Variants in CADPS2 observed in about 807,000 individuals in gnomAD.
The protein encoded by CADPS2 is calcium-dependent secretion activator 2.
Under a neutral mutation model 172.5 loss-of-function variants are expected in CADPS2, and 93 were observed. That is an observed-to-expected ratio of 0.54 (90% confidence interval 0.46 to 0.64). The LOEUF (loss-of-function observed/expected upper bound fraction) is 0.64, where lower values mean the gene tolerates loss of function less well. Ranked by LOEUF, CADPS2 falls within the 30% of genes least tolerant of loss-of-function variation. The pLI, the probability that CADPS2 is intolerant of heterozygous loss-of-function variation, is 0.00. For synonymous variants in CADPS2, 546 were observed against 555.2 expected (o/e 0.98, Z 0.23); for missense variants, 1,420 against 1,565.9 (o/e 0.91, Z 1.57).
At chr7:122,580,555 C>G (rs1317311723) in intron 7 of CADPS2, among the ~76,000 whole-genome samples, 1 of 151,918 alleles carries the variant, frequency 6.6e-6, no homozygotes, top group African/African-American at 2.4e-5. Flanking sequence ...TGAAGATGAC[C>G]TTTCACACAG....
intron 6 of CADPS2, among the ~76,000 whole-genome samples, chr7:122,590,117 T>C (rs1168756247): frequency 6.6e-6 from 1 of 151,732 alleles, no homozygotes; most frequent in Non-Finnish European, 1.5e-5. Context: ...CTAAAATTCA[T>C]AAGGAATCTC....
chr7:122,744,435 C>T (rs2092632532), intron 1 of CADPS2, among the ~76,000 whole-genome samples: 1 of 152,130 alleles, frequency 6.6e-6, no homozygotes, highest in Non-Finnish European at 1.5e-5. Flanking sequence ...TACCATGGTA[C>T]TATCGTGTGT....
At chr7:122,824,404 ATTTG>A (rs1804282684) in intron 1 of CADPS2, among the ~76,000 whole-genome samples, 1 of 152,208 alleles carries the variant, frequency 6.6e-6, no homozygotes, top group Non-Finnish European at 1.5e-5. Context: ...GTCTAAAAGT[ATTTG>A]TTTTCTTGAA....
chr7:122,885,666 T>C (rs1486246315), intron 1 of CADPS2, among the ~76,000 whole-genome samples: 1 of 152,050 alleles, frequency 6.6e-6, no homozygotes, highest in Non-Finnish European at 1.5e-5. Context: ...CTGTTGGAAA[T>C]TAAAGTTGAT....
intron 1 of CADPS2, among the ~76,000 whole-genome samples, chr7:122,774,130 T>C (rs982580706): frequency 1.3e-5 from 2 of 152,068 alleles, no homozygotes; most frequent in Admixed American, 1.3e-4. Context: ...ACATTTTCAA[T>C]TTCAATCACT....
At position 122,572,782 on chromosome 7, in the gene CADPS2, G is replaced by A. The variant is rs910331148; in HGVS notation, c.1335+8397C>T. The stretch of plus-strand genomic sequence containing the variant: ...CTATATACTTAGGGATGCTTGACTG[G>A]TCAGCTGTTTACCTGCTAGGACATA... On this transcript the variant is annotated intron_variant, in intron 7 of 29. Transcript: ENST00000449022. Among the ~76,000 whole-genome samples the A allele has an allele frequency of 5.3e-5, 8 of 152,178 alleles. No homozygotes were observed. In the East Asian group the frequency reaches 1.4e-3, roughly 26 times the overall value.
rs192287248 is a variant in CADPS2, at chr7:122,341,051, C to T, written c.3612+4523G>A. On this transcript the variant is annotated intron_variant, in intron 28 of 29. Transcript: ENST00000449022. ...TAAACTTAGCATGTGCCTCAGTGGT[C>T]ACGTGAGAGGCAGAGATATCCTCTG... Among the ~76,000 whole-genome samples the T allele has an allele frequency of 1.1e-4, 17 of 152,234 alleles. No homozygotes were observed. In the East Asian group the frequency reaches 3.3e-3, roughly 29 times the overall value.
At chr7:122,861,916 C>G (rs1817049679) in intron 1 of CADPS2, among the ~76,000 whole-genome samples, 1 of 152,184 alleles carries the variant, frequency 6.6e-6, no homozygotes. Flanking sequence ...CTTCAAAGTT[C>G]TGAGGGAGAA....
At chr7:122,741,251 C>G (rs574350430) in intron 1 of CADPS2, among the ~76,000 whole-genome samples, 215 of 152,220 alleles carry the variant, frequency 1.4e-3, no homozygotes, top group Non-Finnish European at 2.5e-3. Flanking sequence ...TAAGTCACCA[C>G]TCACATAGAA....
intron 6 of CADPS2, among the ~76,000 whole-genome samples, chr7:122,598,780 C>A (rs1337075058): frequency 6.6e-6 from 1 of 151,994 alleles, no homozygotes; most frequent in Non-Finnish European, 1.5e-5. Context: ...AGGTTAAATG[C>A]TTCATCAAAT....
chr7:122,505,503 A>G, intron 9 of CADPS2, among the ~76,000 whole-genome samples: 1 of 152,220 alleles, frequency 6.6e-6, no homozygotes, highest in East Asian at 1.9e-4. Flanking sequence ...ATGGCAAAGT[A>G]TTGAAACATT....
intron 9 of CADPS2, among the ~76,000 whole-genome samples, chr7:122,511,070 T>A (rs2059969957): frequency 6.6e-6 from 1 of 152,208 alleles, no homozygotes; most frequent in Non-Finnish European, 1.5e-5. Context: ...TCAGGTAGAA[T>A]AAATTCAAAT....
intron 1 of CADPS2, among the ~76,000 whole-genome samples, chr7:122,809,292 G>A (rs371911928): frequency 1.3e-4 from 20 of 152,010 alleles, no homozygotes; most frequent in African/African-American, 3.4e-4. Context: ...TGCCTCAGCC[G>A]GGCGCAGTGG....
intron 2 of CADPS2, chr7:122,697,584 T>G (rs2085313534): frequency 2.0e-6 from 1 of 496,250 alleles, no homozygotes; most frequent in Non-Finnish European, 3.5e-6. Context: ...GACAAAAAAT[T>G]ACACTTAGCA....
At chr7:122,874,796 T>G (rs560324659) in intron 1 of CADPS2, among the ~76,000 whole-genome samples, 4 of 152,168 alleles carry the variant, frequency 2.6e-5, no homozygotes, top group Non-Finnish European at 5.9e-5. Context: ...ATTTCCTATT[T>G]AATAAATGGT....
chr7:122,605,606 C>T (rs1258930800), intron 6 of CADPS2, among the ~76,000 whole-genome samples: 1 of 151,980 alleles, frequency 6.6e-6, no homozygotes, highest in African/African-American at 2.4e-5. Context: ...ATGTTAATGC[C>T]TGACTATTAA....
At chr7:122,667,099 A>G (rs552412797) in intron 2 of CADPS2, among the ~76,000 whole-genome samples, 4 of 152,312 alleles carry the variant, frequency 2.6e-5, no homozygotes, top group African/African-American at 7.2e-5. Context: ...CTGTTCAATT[A>G]TTGTGTGTTC....
intron 16 of CADPS2, chr7:122,439,459 AG>A (rs1266235789): frequency 3.9e-5 from 6 of 152,312 alleles, no homozygotes; most frequent in Admixed American, 3.9e-4. Flanking sequence ...GAATATTGAA[AG>A]AATATGAAAA....
At chr7:122,486,523 T>A (rs72607711) in intron 11 of CADPS2, among the ~76,000 whole-genome samples, 10,432 of 152,240 alleles carry the variant, frequency 0.069, 413 homozygotes, top group South Asian at 0.18. Context: ...CTTGAACAGA[T>A]AAGAAGTTGG....
Sources: gnomAD v4.1 joint callset for allele counts (sites outside exome capture counted in the v4.1 genomes callset) on GRCh38, gnomAD v4.1.1 for gene constraint, MANE v1.5 for transcripts, NCBI Gene and HGNC (gene_info 2026-07-23, HGNC 2026-07-21) for gene names.